Variants in GABRA3 observed in about 807,000 individuals in gnomAD.
GABRA3 encodes the protein gamma-aminobutyric acid type A receptor subunit alpha3, also known as gamma-aminobutyric acid receptor subunit alpha-3.
In GABRA3, 10 loss-of-function variants were observed where a neutral mutation model predicts 30.1. The ratio of observed to expected loss-of-function variants is 0.33; its 90% confidence interval spans 0.20 to 0.56. The LOEUF (loss-of-function observed/expected upper bound fraction) is 0.56, where lower values mean the gene tolerates loss of function less well. Ranked by LOEUF, GABRA3 falls within the 20% of genes least tolerant of loss-of-function variation. The pLI is 0.89. For missense variants in GABRA3, 233 were observed against 392.0 expected (o/e 0.59, Z 3.42); for synonymous variants, 151 against 146.8 (o/e 1.03, Z -0.21).
intron 9 of GABRA3, among the ~76,000 whole-genome samples, chrX:152,171,644 T>G: frequency 9.0e-6 from 1 of 111,684 alleles, no homozygotes. Flanking sequence ...GGATGTTTAC[T>G]GAATGAAAAA....
intron 5 of GABRA3, 25 bp from the exon 6 acceptor site, chrX:152,224,870 G>C (rs768503635): frequency 9.7e-7 from 1 of 1,035,506 alleles, no homozygotes; most frequent in South Asian, 2.1e-5. Flanking sequence ...AACAGAAAAT[G>C]AAATTAAGCT....
chrX:152,450,208 C>A (rs747359708), intron 1 of GABRA3, among the ~76,000 whole-genome samples: 1 of 110,168 alleles, frequency 9.1e-6, no homozygotes, highest in South Asian at 4.0e-4. Flanking sequence ...CATCACCCTG[C>A]TTTCCATAAA....
chrX:152,263,704 A>G (rs757948869), intron 4 of GABRA3, among the ~76,000 whole-genome samples: 4 of 111,853 alleles, frequency 3.6e-5, no homozygotes, highest in Admixed American at 9.5e-5. Flanking sequence ...ACCCAGAGAA[A>G]GATATCATTA....
At chrX:152,350,341 A>G (rs1940459978) in intron 2 of GABRA3, among the ~76,000 whole-genome samples, 1 of 98,118 alleles carries the variant, frequency 1.0e-5, no homozygotes, top group South Asian at 5.4e-4. Flanking sequence ...CTAAATGCCC[A>G]CAAGAGAAAG....
intron 2 of GABRA3, among the ~76,000 whole-genome samples, chrX:152,349,390 G>C (rs747818816): frequency 9.2e-6 from 1 of 108,542 alleles, no homozygotes; most frequent in Non-Finnish European, 1.9e-5. Flanking sequence ...GGAAGAAACT[G>C]CATCAACTAA....
At chrX:152,446,309 G>C (rs1602735549) in intron 1 of GABRA3, among the ~76,000 whole-genome samples, 1 of 111,666 alleles carries the variant, frequency 9.0e-6, no homozygotes, top group African/African-American at 3.3e-5. Context: ...TAGTTCAGTG[G>C]TCTGTCGAAT....
At chrX:152,264,176 AAC>A (rs1938779948) in intron 4 of GABRA3, among the ~76,000 whole-genome samples, 1 of 111,588 alleles carries the variant, frequency 9.0e-6, no homozygotes, top group Non-Finnish European at 1.9e-5. Context: ...TACACAGAAA[AAC>A]ACAGAATACT....
intron 4 of GABRA3, among the ~76,000 whole-genome samples, chrX:152,267,783 T>C (rs1938854182): frequency 9.0e-6 from 1 of 111,368 alleles, no homozygotes. Flanking sequence ...GTTTTTCCAA[T>C]TTATTGGTGT....
chrX:152,245,757 A>G (rs1448539427), intron 5 of GABRA3, among the ~76,000 whole-genome samples: 1 of 111,668 alleles, frequency 9.0e-6, no homozygotes, highest in Non-Finnish European at 1.9e-5. Flanking sequence ...CTCTTCCATG[A>G]TGTTCGTCTG....
intron 3 of GABRA3, among the ~76,000 whole-genome samples, chrX:152,302,058 A>G (rs1042933311): frequency 8.9e-6 from 1 of 111,800 alleles, no homozygotes; most frequent in Non-Finnish European, 1.9e-5. Flanking sequence ...ATTTCTAAAA[A>G]GACAATATAT....
At chrX:152,417,113 C>T (rs1343717301) in intron 1 of GABRA3, among the ~76,000 whole-genome samples, 13 of 106,357 alleles carry the variant, frequency 1.2e-4, no homozygotes, top group Admixed American at 6.2e-4. Context: ...AGAAAATTTT[C>T]GCAACCTACT....
At chrX:152,215,051 TATA>T (rs1251362559) in intron 6 of GABRA3, among the ~76,000 whole-genome samples, 8 of 105,327 alleles carry the variant, frequency 7.6e-5, no homozygotes, top group African/African-American at 1.1e-4. Context: ...TATATATATA[TATA>T]TTTTTTTATA....
At chrX:152,424,928 CTTTTTTTTT>C (rs747255822) in intron 1 of GABRA3, among the ~76,000 whole-genome samples, 2 of 42,358 alleles carry the variant, frequency 4.7e-5, no homozygotes, top group Non-Finnish European at 7.7e-5. Flanking sequence ...TTTTTCTTTT[CTTTTTTTTT>C]TTTTTTTTTT....
intron 1 of GABRA3, among the ~76,000 whole-genome samples, chrX:152,425,330 T>A (rs1158636857): frequency 2.7e-5 from 3 of 110,863 alleles, no homozygotes; most frequent in African/African-American, 9.9e-5. Context: ...AACACTGTCA[T>A]CTAATCTAGA....
chrX:152,197,540 A>C, intron 8 of GABRA3, 93 bp downstream of exon 8: 4 of 841,971 alleles, frequency 4.8e-6, no homozygotes, highest in Non-Finnish European at 4.9e-6. Context: ...AATTTCTCCC[A>C]TTCTCTCCAG....
At chrX:152,218,799 C>T (rs765553129) in intron 6 of GABRA3, among the ~76,000 whole-genome samples, 5 of 111,220 alleles carry the variant, frequency 4.5e-5, no homozygotes, top group Non-Finnish European at 9.5e-5. Context: ...TCTTGAATAA[C>T]GCTCTTCAGA....
intron 6 of GABRA3, among the ~76,000 whole-genome samples, chrX:152,211,007 A>G (rs62610383): frequency 0.056 from 6,275 of 111,127 alleles, 190 homozygotes; most frequent in Middle Eastern, 0.11. Context: ...ATTTTTCCCC[A>G]GAGTCTTTTA....
At position 152,276,157 on chromosome X, in the gene GABRA3, G is replaced by T. The variant is rs1939081054; in HGVS notation, c.330+8511C>A. Among the ~76,000 whole-genome samples, 4 of 111,105 alleles carry T rather than the reference G, an allele frequency of 3.6e-5. No individual in the cohort carries two copies. In the Admixed American group the frequency reaches 3.9e-4, roughly 11 times the overall value. ...CCACAGGAAACTTTAATACAAAAGT[G>T]GCAATATGAAGAAACAAGGTTGCCT... On this transcript the variant is annotated intron_variant, in intron 4 of 9. Coordinates refer to ENST00000370314, the MANE Select transcript of GABRA3 (RefSeq NM_000808.4).
At chrX:152,423,626 T>C (rs1930433311) in intron 1 of GABRA3, among the ~76,000 whole-genome samples, 1 of 111,778 alleles carries the variant, frequency 8.9e-6, no homozygotes, top group African/African-American at 3.2e-5. Context: ...GATGAAGATA[T>C]TTCTGTACAC....
Sources: allele counts gnomAD v4.1 joint callset (sites outside exome capture counted in the v4.1 genomes callset), GRCh38; gene constraint gnomAD v4.1.1; transcripts MANE v1.5; gene names NCBI Gene and HGNC (gene_info 2026-07-23, HGNC 2026-07-21).